TAFA1: variants seen among roughly 807,000 people sequenced by gnomAD.
TAFA1 encodes TAFA chemokine like family member 1.
TAFA1 carries 4 observed loss-of-function variants against 18.5 expected under a neutral mutation model. That is an observed-to-expected ratio of 0.22 (90% CI 0.11 to 0.49). TAFA1 has a LOEUF of 0.49. TAFA1 is among the 20% of genes least tolerant of loss of function. TAFA1 has a pLI of 0.98. For missense variants in TAFA1, 147 were observed against 169.0 expected (o/e 0.87, Z 0.72); for synonymous variants, 56 against 55.2 (o/e 1.01, Z -0.06).
chr3:68,204,365 G>GC (rs919651873), intron 2 of TAFA1, among the ~76,000 whole-genome samples: 1 of 151,704 alleles, frequency 6.6e-6, no homozygotes, highest in African/African-American at 2.4e-5. Context: ...TCATGGGAAA[G>GC]CCCCCCACTT....
chr3:68,475,796 T>A (rs2072083127), intron 3 of TAFA1, among the ~76,000 whole-genome samples: 1 of 151,924 alleles, frequency 6.6e-6, no homozygotes, highest in South Asian at 2.1e-4. Flanking sequence ...AGTGTTCCTA[T>A]TTCTCCACAT....
intron 2 of TAFA1, among the ~76,000 whole-genome samples, chr3:68,082,267 C>T (rs191654628): frequency 0.014 from 2,115 of 152,266 alleles, 54 homozygotes; most frequent in African/African-American, 0.048. Context: ...CAGAAATCAC[C>T]ATCTTGTGCG....
intron 2 of TAFA1, among the ~76,000 whole-genome samples, chr3:68,275,628 A>G (rs2067781470): frequency 6.6e-6 from 1 of 152,038 alleles, no homozygotes; most frequent in African/African-American, 2.4e-5. Flanking sequence ...TTTAGAGGAG[A>G]TAATGATGAG....
intron 4 of TAFA1, among the ~76,000 whole-genome samples, chr3:68,540,049 G>A (rs867534379): frequency 1.3e-5 from 2 of 152,002 alleles, no homozygotes; most frequent in Non-Finnish European, 2.9e-5. Flanking sequence ...TATTAATCTT[G>A]ACTTACTCTT....
chr3:68,107,160 C>T (rs371793083), intron 2 of TAFA1, among the ~76,000 whole-genome samples: 14 of 152,014 alleles, frequency 9.2e-5, no homozygotes, highest in Admixed American at 3.3e-4. Flanking sequence ...GAGACTGAAG[C>T]GGTTTAGAGT....
intron 2 of TAFA1, among the ~76,000 whole-genome samples, chr3:68,198,848 C>CA (rs1176592058): frequency 6.6e-6 from 1 of 151,386 alleles, no homozygotes; most frequent in Non-Finnish European, 1.5e-5. Flanking sequence ...TTAAAAATAT[C>CA]AGAGAATGGA....
intron 2 of TAFA1, among the ~76,000 whole-genome samples, chr3:68,326,579 A>G (rs1289718053): frequency 6.6e-6 from 1 of 152,204 alleles, no homozygotes; most frequent in African/African-American, 2.4e-5. Context: ...TCTGTTAGCC[A>G]TTGTGTTATC....
intron 3 of TAFA1, among the ~76,000 whole-genome samples, chr3:68,455,940 AT>A (rs1427228563): frequency 6.6e-6 from 1 of 152,164 alleles, no homozygotes; most frequent in Non-Finnish European, 1.5e-5. Flanking sequence ...AAAGGTCCTT[AT>A]GACTCCCTTA....
At chr3:68,299,618 G>A (rs1448043471) in intron 2 of TAFA1, among the ~76,000 whole-genome samples, 4 of 152,210 alleles carry the variant, frequency 2.6e-5, no homozygotes, top group Non-Finnish European at 4.4e-5. Flanking sequence ...TCATCAAAAC[G>A]ATGGAGAAAA....
intron 2 of TAFA1, among the ~76,000 whole-genome samples, chr3:68,311,147 A>G (rs2106677874): frequency 6.6e-6 from 1 of 152,248 alleles, no homozygotes; most frequent in Admixed American, 6.5e-5. Flanking sequence ...TTCACTATCA[A>G]GAGAACAGCA....
At position 68,396,632 on chromosome 3, in the gene TAFA1, T is replaced by C. The variant is rs186854171; in HGVS notation, c.119-20648T>C. Among the ~76,000 whole-genome samples, 23 of 152,302 alleles carry C rather than the reference T, an allele frequency of 1.5e-4. No individual in the cohort carries two copies. The East Asian group carries it at 4.4e-3, about 29-fold the overall frequency. On this transcript the variant is annotated intron_variant, in intron 2 of 4. Coordinates refer to ENST00000478136, the MANE Select transcript of TAFA1 (RefSeq NM_213609.4). ...TGCTATTGATAAACATCACAGTTAC[T>C]TTCAATTTGGGACTATAATCAACAA...
intron 2 of TAFA1, among the ~76,000 whole-genome samples, chr3:68,073,666 A>G (rs1332951298): frequency 6.6e-6 from 1 of 151,868 alleles, no homozygotes; most frequent in African/African-American, 2.4e-5. Context: ...TCTATACACA[A>G]TATTTTTTTT....
chr3:68,242,326 A>G (rs1232209250), intron 2 of TAFA1, among the ~76,000 whole-genome samples: 1 of 152,164 alleles, frequency 6.6e-6, no homozygotes, highest in Non-Finnish European at 1.5e-5. Flanking sequence ...TCCTTTTAAA[A>G]GTTTGCTCTG....
At chr3:68,397,646 T>C (rs959172680) in intron 2 of TAFA1, among the ~76,000 whole-genome samples, 3 of 152,208 alleles carry the variant, frequency 2.0e-5, no homozygotes, top group African/African-American at 7.2e-5. Flanking sequence ...GTCTTTATAA[T>C]AGAATGAGTT....
chr3:68,539,028 C>A, intron 4 of TAFA1, 148 bp downstream of exon 4: 3 of 774,262 alleles, frequency 3.9e-6, no homozygotes, highest in East Asian at 2.9e-5. Flanking sequence ...GATCAGTGTC[C>A]ATCCGTGAAT....
At chr3:68,430,498 A>T (rs2071149331) in intron 3 of TAFA1, among the ~76,000 whole-genome samples, 1 of 151,982 alleles carries the variant, frequency 6.6e-6, no homozygotes, top group South Asian at 2.1e-4. Context: ...CTAATCATGT[A>T]CTTAGAGGGG....
chr3:68,215,543 A>G (rs996588191), intron 2 of TAFA1, among the ~76,000 whole-genome samples: 2 of 152,048 alleles, frequency 1.3e-5, no homozygotes, highest in Non-Finnish European at 2.9e-5. Flanking sequence ...CTGCTCTGTG[A>G]AAGATATTGT....
At chr3:68,076,957 T>A (rs1415113288) in intron 2 of TAFA1, among the ~76,000 whole-genome samples, 1 of 152,148 alleles carries the variant, frequency 6.6e-6, no homozygotes, top group East Asian at 1.9e-4. Flanking sequence ...CTCCACATCC[T>A]CTCCAGCACC....
intron 2 of TAFA1, among the ~76,000 whole-genome samples, chr3:68,097,991 A>G (rs1465877827): frequency 6.6e-6 from 1 of 152,180 alleles, no homozygotes; most frequent in Non-Finnish European, 1.5e-5. Context: ...CCCAAGCCTC[A>G]GGTTTCTCAA....
Sources: gnomAD v4.1 joint callset for allele counts (sites outside exome capture counted in the v4.1 genomes callset) on GRCh38, gnomAD v4.1.1 for gene constraint, MANE v1.5 for transcripts, NCBI Gene and HGNC (gene_info 2026-07-23, HGNC 2026-07-21) for gene names.